Variants in TRAM2 observed in about 807,000 individuals in gnomAD.
The protein encoded by TRAM2 is translocating chain-associated membrane protein 2.
TRAM2 carries 12 observed loss-of-function variants against 51.0 expected under a neutral mutation model. That is an observed-to-expected ratio of 0.24 (90% CI 0.15 to 0.38). The LOEUF (loss-of-function observed/expected upper bound fraction) is 0.38. Among genes scored for constraint, TRAM2 ranks in the 10% least tolerant of loss-of-function variants. TRAM2 has a pLI of 1.00. For synonymous variants in TRAM2, 175 were observed against 179.4 expected (o/e 0.98, Z 0.20); for missense variants, 361 against 462.0 (o/e 0.78, Z 2.00).
At chr6:52,521,481 C>G (rs142471291) in intron 2 of TRAM2, among the ~76,000 whole-genome samples, 5,896 of 151,698 alleles carry the variant, frequency 0.039, 150 homozygotes, top group Non-Finnish European at 0.063. Flanking sequence ...ATCAAGAGAT[C>G]AGGAGCTCGA....
intron 1 of TRAM2, among the ~76,000 whole-genome samples, chr6:52,548,645 C>T (rs1478633536): frequency 1.3e-5 from 2 of 152,226 alleles, no homozygotes; most frequent in South Asian, 2.1e-4. Flanking sequence ...GCCCCAGAAG[C>T]GGGACTAGAA....
At chr6:52,553,294 A>G (rs1767343099) in intron 1 of TRAM2, among the ~76,000 whole-genome samples, 1 of 152,216 alleles carries the variant, frequency 6.6e-6, no homozygotes, top group Non-Finnish European at 1.5e-5. Flanking sequence ...AGATCAACAA[A>G]TGTATTTGGT....
chr6:52,556,926 T>TAA (rs1180530124), intron 1 of TRAM2, among the ~76,000 whole-genome samples: 1 of 67,040 alleles, frequency 1.5e-5, no homozygotes. Flanking sequence ...AGACTCCATC[T>TAA]CAAAAAAAAA....
intron 10 of TRAM2, 147 bp from the exon 11 acceptor site, chr6:52,503,417 G>T: frequency 1.4e-6 from 1 of 726,938 alleles, no homozygotes; most frequent in Non-Finnish European, 2.4e-6. Context: ...CTGCAGCCTT[G>T]CACAGCAAAT....
At position 52,504,727 on chromosome 6, in the gene TRAM2, G is replaced by A. The variant is rs748004504; in HGVS notation, c.903C>T (p.Ala301=). 1.7e-5 allele frequency: 27 copies of A among 1,609,676 alleles called. No homozygotes were observed. The highest frequency in any genetic ancestry group is 4.0e-5 in the African/African-American group (3 of 74,882). Reference sequence around the variant, plus strand: ...AGCGCCACATGAGCCAGGCCTGGGCGGCACACACCAGCAGCAGCACGCAGA... The same window carrying A: ...AGCGCCACATGAGCCAGGCCTGGGCAGCACACACCAGCAGCAGCACGCAGA... ...CRLCVLLLVC[A]AQAWLMWRFI... The change falls in exon 10 of 11, where the codon GCC becomes GCT. Residue 301 remains alanine (A), a synonymous_variant. Coordinates refer to ENST00000182527, the MANE Select transcript of TRAM2 (RefSeq NM_012288.4).
intron 2 of TRAM2, among the ~76,000 whole-genome samples, chr6:52,527,196 T>C (rs1309242798): frequency 6.9e-6 from 1 of 145,872 alleles, no homozygotes; most frequent in Non-Finnish European, 1.5e-5. Flanking sequence ...CTGGCCAACA[T>C]GGTGAAACCC....
At position 52,571,386 on chromosome 6, in the gene TRAM2, CAT is replaced by C. The variant is rs1192721619; in HGVS notation, c.120+5408_120+5409del. ...GAGTGAAGCTTTCACCATAGCAACA[CAT>C]GTTATTCTACAAACAGTCGGGACTA... On this transcript the variant is annotated intron_variant, in intron 1 of 10. Coordinates refer to ENST00000182527, the MANE Select transcript of TRAM2 (RefSeq NM_012288.4). 3.9e-5 allele frequency among the ~76,000 whole-genome samples: 6 copies of C among 152,342 alleles called. No homozygotes were observed. In the East Asian group the frequency reaches 1.2e-3, roughly 29 times the overall value.
rs1178185169 is a variant in TRAM2 at position 52,576,853 on chromosome 6, G to A, written c.63C>T (p.Asn21=). 5 of 1,613,834 alleles carry A rather than the reference G, an allele frequency of 3.1e-6. No individual in the cohort carries two copies. In the African/African-American group the frequency reaches 4.0e-5, roughly 13 times the overall value. ...CCAGGCAGAAGCCGATGTCCGCATG[G>A]TTGTGGATGACGAACTCCTGGCTGA... is the stretch of plus-strand genomic sequence containing the variant. ...PLFSQEFVIH[N]HADIGFCLVL... Residue 21 remains asparagine, a synonymous_variant, in exon 1 of 11, where the codon AAC becomes AAT. Transcript: ENST00000182527.
At chr6:52,523,613 G>A (rs976510330) in intron 2 of TRAM2, 13 of 152,232 alleles carry the variant, frequency 8.5e-5, no homozygotes, top group African/African-American at 3.1e-4. Context: ...CAGCAGGAAT[G>A]TAAAACGGTA....
At chr6:52,518,239 G>A (rs1454285968) in intron 2 of TRAM2, among the ~76,000 whole-genome samples, 1 of 152,092 alleles carries the variant, frequency 6.6e-6, no homozygotes, top group African/African-American at 2.4e-5. Flanking sequence ...ATTGGAACTC[G>A]GGGACCAGCA....
intron 1 of TRAM2, among the ~76,000 whole-genome samples, chr6:52,544,600 T>C (rs185333421): frequency 1.4e-4 from 22 of 152,342 alleles, no homozygotes; most frequent in African/African-American, 5.1e-4. Flanking sequence ...TGCTCGAGTC[T>C]ACAAAGACCG....
rs1337926958 is a variant in TRAM2, at chr6:52,508,217, G to A, written c.555+17C>T. 4 of 1,612,740 alleles carry A rather than the reference G, an allele frequency of 2.5e-6. No individual in the cohort carries two copies. Among genetic ancestry groups the A allele is most frequent in the Non-Finnish European group, 3.4e-6 (4 of 1,179,020 alleles). ...TCAATGAATGGCCTCCAAGAAGGGA[G>A]AGAAGTGAGCACTCACCTTCCGTAC... is the stretch of plus-strand genomic sequence containing the variant. On this transcript the variant is annotated intron_variant, in intron 6 of 10. Transcript: ENST00000182527.
At chr6:52,550,770 T>C (rs1435282361) in intron 1 of TRAM2, among the ~76,000 whole-genome samples, 2 of 152,152 alleles carry the variant, frequency 1.3e-5, no homozygotes, top group Non-Finnish European at 2.9e-5. Context: ...CAGGCTGTTC[T>C]TGAACTCCTG....
chr6:52,570,142 T>C (rs1254649300), intron 1 of TRAM2, among the ~76,000 whole-genome samples: 1 of 152,212 alleles, frequency 6.6e-6, no homozygotes, highest in African/African-American at 2.4e-5. Context: ...ACAGCTACAA[T>C]GTTAACTTGA....
rs79608250 is a variant in TRAM2 at position 52,548,913 on chromosome 6, G to C, written c.121-13067C>G. ...CAAAGGAGAGACCCAAAAAACATCT[G>C]TTAGTGCCCTGGGTTTGGAGATTTC... On this transcript the variant is annotated intron_variant, in intron 1 of 10. Transcript: ENST00000182527. Among the ~76,000 whole-genome samples, 224 of 152,298 alleles carry C rather than the reference G, an allele frequency of 1.5e-3. 5 individuals carry two copies. In the East Asian group the frequency reaches 0.039, roughly 26 times the overall value.
chr6:52,505,738 T>G lies in TRAM2; in HGVS notation c.736A>C (p.Ser246Arg), dbSNP rs534669213. ...FADENNEKLF[S>R]AWAAVFGVTR... Reference sequence around the variant, plus strand: ...ACCCCAAAAACAGCAGCCCAGGCACTGAACCTGCTCACAGAGGCAGAAGAG... The same window carrying G: ...ACCCCAAAAACAGCAGCCCAGGCACGGAACCTGCTCACAGAGGCAGAAGAG... Residue 246 changes from serine to arginine, a missense_variant, in exon 9 of 11, where the codon AGT becomes CGT. Transcript: ENST00000182527. 3 of 1,607,262 alleles carry G rather than the reference T, an allele frequency of 1.9e-6. No individual in the cohort carries two copies. The African/African-American group carries it at 4.0e-5, about 22-fold the overall frequency.
At chr6:52,557,180 A>G (rs141621421) in intron 1 of TRAM2, among the ~76,000 whole-genome samples, 26,941 of 146,042 alleles carry the variant, frequency 0.18, 3,494 homozygotes, top group Non-Finnish European at 0.28. Flanking sequence ...GAGACAAAGC[A>G]AAACTCTGTC....
intron 1 of TRAM2, among the ~76,000 whole-genome samples, chr6:52,571,931 T>A (rs1767687571): frequency 6.6e-6 from 1 of 152,234 alleles, no homozygotes; most frequent in South Asian, 2.1e-4. Context: ...TTACACATAT[T>A]AGCCTTCACT....
chr6:52,575,280 G>C (rs1468379875), intron 1 of TRAM2, among the ~76,000 whole-genome samples: 1 of 152,120 alleles, frequency 6.6e-6, no homozygotes, highest in African/African-American at 2.4e-5. Context: ...TTTTCAGTCA[G>C]ACTAGTCACA....
Sources: gnomAD v4.1 joint callset for allele counts (sites outside exome capture counted in the v4.1 genomes callset) on GRCh38, gnomAD v4.1.1 for gene constraint, MANE v1.5 for transcripts, NCBI Gene and HGNC (gene_info 2026-07-23, HGNC 2026-07-21) for gene names.